ANKRD30A: variants seen among roughly 807,000 people sequenced by gnomAD.
ANKRD30A encodes the protein ankyrin repeat domain 30A.
In ANKRD30A, 170 loss-of-function variants were observed where a neutral mutation model predicts 166.3. The observed-to-expected ratio is 1.02, with a 90% CI of 0.90 to 1.16. ANKRD30A has a LOEUF of 1.16. ANKRD30A is among the 50% of genes most tolerant of loss of function. ANKRD30A has a pLI of 0.00. For missense variants in ANKRD30A, 1,630 were observed against 1,518.0 expected, an observed-to-expected ratio of 1.07 and a Z score of -1.23; for synonymous variants, 564 against 508.9, an observed-to-expected ratio of 1.11 and a Z score of -1.46.
At chr10:37,238,645 A>T in the ANKRD30A span, among the ~76,000 whole-genome samples, 1 of 152,218 alleles carries the variant, frequency 6.6e-6, no homozygotes, top group Non-Finnish European at 1.5e-5. Flanking sequence ...ATTCATAAAC[A>T]GGCTATAAAG....
chr10:37,129,571 T>G (rs1836253434), intron 1 of ANKRD30A, among the ~76,000 whole-genome samples: 1 of 152,212 alleles, frequency 6.6e-6, no homozygotes, highest in African/African-American at 2.4e-5. Context: ...AACTGCTGTG[T>G]TCATCTTCAT....
At chr10:37,152,880 A>T (rs1245742005) in intron 12 of ANKRD30A, among the ~76,000 whole-genome samples, 2 of 152,096 alleles carry the variant, frequency 1.3e-5, no homozygotes, top group African/African-American at 4.8e-5. Context: ...GTGGAAGTCA[A>T]TAGGTAGATT....
the ANKRD30A span, among the ~76,000 whole-genome samples, chr10:37,242,893 CTT>C: frequency 6.6e-6 from 1 of 152,176 alleles, no homozygotes; most frequent in Non-Finnish European, 1.5e-5. Flanking sequence ...CTAAAGTTAA[CTT>C]TTTGCAGTTA....
Position 37,130,009 on chromosome 10 carries a change from T to G in ANKRD30A, c.336+2T>G, listed in dbSNP as rs763433088. 36 of 1,498,270 alleles carry G rather than the reference T, an allele frequency of 2.4e-5. No homozygotes were observed. The highest frequency in any genetic ancestry group is 3.2e-5 in the Non-Finnish European group (36 of 1,121,152). The allele number at this position is 1,498,270 out of a possible 1,614,324, so 92.8% of individuals were successfully genotyped here. ...GAACACAGGACACCTCTGATGAAGG[T>G]AAATAGTAGCCAGATTTTTCAGCAG... On this transcript the variant is annotated splice_donor_variant, in intron 2 of 35. Transcript: ENST00000361713. LOFTEE classifies it high-confidence loss of function.
At chr10:37,243,391 G>A in the ANKRD30A span, among the ~76,000 whole-genome samples, 1 of 150,538 alleles carries the variant, frequency 6.6e-6, no homozygotes, top group Non-Finnish European at 1.5e-5. Context: ...TGATCCGCCC[G>A]CCTCGGCCTC....
intron 18 of ANKRD30A, among the ~76,000 whole-genome samples, chr10:37,165,466 T>G (rs375015178): frequency 0.12 from 13,041 of 105,744 alleles, no homozygotes; most frequent in Admixed American, 0.16. Context: ...TTACACTGAG[T>G]CGAGCTATGG....
chr10:37,171,708 T>A (rs2997345), intron 21 of ANKRD30A, among the ~76,000 whole-genome samples: 1 of 151,276 alleles, frequency 6.6e-6, no homozygotes, highest in East Asian at 1.9e-4. Flanking sequence ...TTTTCTTTTT[T>A]AAAAAGATAT....
At chr10:37,190,794 T>C (rs1840493445) in intron 25 of ANKRD30A, among the ~76,000 whole-genome samples, 1 of 151,748 alleles carries the variant, frequency 6.6e-6, no homozygotes, top group South Asian at 2.1e-4. Context: ...ATTAATAATC[T>C]TTATTAATAT....
rs557920459 is a variant in ANKRD30A at position 37,172,128 on chromosome 10, G to T, written c.2258-1584G>T. Among the ~76,000 whole-genome samples, 96 of 119,558 alleles carry T rather than the reference G, an allele frequency of 8.0e-4. 9 individuals are homozygous for T. The highest frequency in any genetic ancestry group is 3.2e-3 in the African/African-American group (93 of 28,938). 78.4% of individuals were successfully genotyped at this position (119,558 alleles called of 152,430 possible). A position where few individuals can be genotyped will look rare whatever the true frequency, so the allele number is the denominator to read the frequency against. The stretch of plus-strand genomic sequence containing the variant: ...TGGGAGGCCGTGACTGGCAGATCAC[G>T]AGGTGAGGAGAGCGAGACCATCCTG... On this transcript the variant is annotated intron_variant, in intron 21 of 35. Coordinates refer to ENST00000361713, the MANE Select transcript of ANKRD30A (RefSeq NM_052997.3).
intron 27 of ANKRD30A, among the ~76,000 whole-genome samples, chr10:37,195,136 A>C (rs543545188): frequency 1.3e-5 from 2 of 152,208 alleles, no homozygotes; most frequent in Admixed American, 1.3e-4. Flanking sequence ...TGCTCAGATC[A>C]GAAGTTAGAA....
the ANKRD30A span, among the ~76,000 whole-genome samples, chr10:37,257,020 C>T: frequency 6.6e-6 from 1 of 151,948 alleles, no homozygotes; most frequent in Admixed American, 6.6e-5. Flanking sequence ...TCCATCTGGT[C>T]CTGGGCTTTT....
In ANKRD30A at chr10:37,219,747, C is replaced by A; in HGVS notation, c.4035C>A (p.Asp1345Glu). The A allele has an allele frequency of 6.2e-7, 1 of 1,608,200 alleles. No homozygotes were observed. The change falls in exon 34 of 36, where the codon GAC (aspartate) becomes GAA (glutamate). Residue 1345 changes from aspartate (D) to glutamate (E), a missense_variant. Around this residue, in one of 4 missense-constraint regions of ANKRD30A, gnomAD observed 712 missense variants for 629.3 expected, o/e 1.13. Transcript: ENST00000361713. Reference sequence around the variant, plus strand: ...TAGTTCATGCACATAAGAAAGCTGACAACAAAAGCAAGATAACAATTGATA... The same window carrying A: ...TAGTTCATGCACATAAGAAAGCTGAAAACAAAAGCAAGATAACAATTGATA... The part of the protein sequence containing the change: ...QQLVHAHKKA[D>E]NKSKITIDIH...
the ANKRD30A span, among the ~76,000 whole-genome samples, chr10:37,265,810 G>A: frequency 6.6e-6 from 1 of 152,182 alleles, no homozygotes; most frequent in East Asian, 1.9e-4. Flanking sequence ...ATATTTTAGG[G>A]GCAGGTCTGG....
intron 25 of ANKRD30A, among the ~76,000 whole-genome samples, chr10:37,192,187 C>A (rs1483893674): frequency 2.0e-5 from 3 of 151,910 alleles, no homozygotes; most frequent in Admixed American, 2.0e-4. Flanking sequence ...CAGGCCTGTG[C>A]CACCATACCT....
At chr10:37,202,989 A>G (rs1841745070) in intron 31 of ANKRD30A, among the ~76,000 whole-genome samples, 2 of 152,316 alleles carry the variant, frequency 1.3e-5, no homozygotes, top group South Asian at 4.1e-4. Context: ...TGAGGCAATA[A>G]TTAATAGCCT....
chr10:37,222,362 T>G (rs541378815), intron 34 of ANKRD30A, among the ~76,000 whole-genome samples: 2 of 151,550 alleles, frequency 1.3e-5, no homozygotes, highest in East Asian at 3.9e-4. Context: ...TCATACAATT[T>G]GTGGTGTTTA....
At chr10:37,229,200 A>G (rs942415566) in intron 34 of ANKRD30A, among the ~76,000 whole-genome samples, 2 of 151,974 alleles carry the variant, frequency 1.3e-5, no homozygotes, top group African/African-American at 4.8e-5. Flanking sequence ...GATTTGCAAC[A>G]TTAGTTTAGA....
rs1588729685 is a variant in ANKRD30A, at chr10:37,125,841, G to A, written c.54G>A (p.Pro18=). The A allele has an allele frequency of 8.8e-6, 10 of 1,141,866 alleles. No individual in the cohort carries two copies. In the East Asian group the frequency reaches 2.5e-4, roughly 28 times the overall value. The allele number at this position is 1,141,866 out of a possible 1,614,324, so 70.7% of individuals were successfully genotyped here. Residue 18 remains proline, a synonymous_variant, in exon 1 of 36, where the codon CCG becomes CCA. Transcript: ENST00000361713. ...AGGTCGTGCCGGGCCCGGAGCGCCCGAGCCCTTTCAGCCAGCTAGTCTATA... is the reference window on the plus strand; with the variant it reads ...AGGTCGTGCCGGGCCCGGAGCGCCCAAGCCCTTTCAGCCAGCTAGTCTATA... The part of the protein sequence containing the change: ...AVKVVPGPER[P]SPFSQLVYTS...
intron 5 of ANKRD30A, 128 bp from the exon 6 acceptor site, chr10:37,136,479 A>C (rs1378610519): frequency 4.4e-5 from 21 of 474,644 alleles, no homozygotes; most frequent in Non-Finnish European, 7.7e-5. Context: ...AGTCTATGGA[A>C]TAAGTAATGT....
Sources: allele counts gnomAD v4.1 joint callset (sites outside exome capture counted in the v4.1 genomes callset), GRCh38; gene constraint gnomAD v4.1.1; regional missense constraint gnomAD v4.1.1; transcripts MANE v1.5; gene names NCBI Gene and HGNC (gene_info 2026-07-23, HGNC 2026-07-21).